LRRIQ3: variants seen among roughly 807,000 people sequenced by gnomAD.
LRRIQ3 encodes the protein leucine-rich repeat and IQ domain-containing protein 3.
LRRIQ3 carries 75 observed loss-of-function variants against 59.3 expected under a neutral mutation model. The observed-to-expected ratio is 1.26, with a 90% CI of 1.05 to 1.53. LRRIQ3 has a LOEUF of 1.53. LRRIQ3 is among the 40% of genes most tolerant of loss of function. The pLI, the probability that LRRIQ3 is intolerant of heterozygous loss-of-function variation, is 0.00. For missense variants in LRRIQ3, 831 were observed against 710.0 expected (o/e 1.17, Z -1.94); for synonymous variants, 250 against 231.3 (o/e 1.08, Z -0.73).
At position 74,041,898 on chromosome 1, in the gene LRRIQ3, A is replaced by G. The variant is rs1360705802; in HGVS notation, c.1033T>C (p.Leu345=). The change falls in exon 7 of 8, where the codon TTG becomes CTG. Residue 345 remains leucine (L), a synonymous_variant. Transcript: ENST00000354431. ...ESEDEIVDEK[L]DTSFRISVFK... is the part of the protein sequence containing the mutation. Reference sequence around the variant, plus strand: ...ACTGATATCCTAAAACTGGTATCCAATTTTTCATCCACAATTTCATCTTCA... The same window carrying G: ...ACTGATATCCTAAAACTGGTATCCAGTTTTTCATCCACAATTTCATCTTCA... 1.9e-6 allele frequency: 3 copies of G among 1,606,310 alleles called. No homozygotes were observed. The highest frequency in any genetic ancestry group is 2.6e-6 in the Non-Finnish European group (3 of 1,175,610).
intron 6 of LRRIQ3, among the ~76,000 whole-genome samples, chr1:74,053,630 C>G (rs1654438662): frequency 6.6e-6 from 1 of 151,938 alleles, no homozygotes; most frequent in Admixed American, 6.6e-5. Context: ...CAGGTTGCAA[C>G]AGGATATGAT....
At chr1:74,191,432 AAAT>A (rs1455031713) in intron 1 of LRRIQ3, among the ~76,000 whole-genome samples, 1 of 152,248 alleles carries the variant, frequency 6.6e-6, no homozygotes, top group East Asian at 1.9e-4. Context: ...AATTTGTCCA[AAAT>A]AATAATAGCA....
Position 74,182,518 on chromosome 1 carries a change from A to T in LRRIQ3, c.573+20T>A, listed in dbSNP as rs1303230911. ...CTTTTATACATTTAATTAAAATGAAACCCTAAAGAAGCCAATTACCTTTCT... is the reference window on the plus strand; with the variant it reads ...CTTTTATACATTTAATTAAAATGAATCCCTAAAGAAGCCAATTACCTTTCT... On this transcript the variant is annotated intron_variant, in intron 3 of 7. Transcript: ENST00000354431. 1 of 1,439,032 alleles carries T rather than the reference A, an allele frequency of 6.9e-7. No individual in the cohort carries two copies. The highest frequency in any genetic ancestry group is 9.2e-7 in the Non-Finnish European group (1 of 1,090,914). 89.1% of individuals were successfully genotyped at this position (1,439,032 alleles called of 1,614,324 possible). A position where few individuals can be genotyped will look rare whatever the true frequency, so the allele number is the denominator to read the frequency against.
intron 3 of LRRIQ3, among the ~76,000 whole-genome samples, chr1:74,165,792 G>A (rs1296305803): frequency 2.0e-5 from 3 of 151,546 alleles, no homozygotes; most frequent in Non-Finnish European, 4.4e-5. Context: ...ACAAATAGAT[G>A]TTGAAATTTG....
chr1:74,031,107 A>G (rs1022881997), intron 7 of LRRIQ3, among the ~76,000 whole-genome samples: 3 of 152,160 alleles, frequency 2.0e-5, no homozygotes, highest in African/African-American at 7.2e-5. Flanking sequence ...AAAAGTCAGG[A>G]AACAACAGGT....
intron 4 of LRRIQ3, among the ~76,000 whole-genome samples, chr1:74,109,757 G>A (rs950750057): frequency 6.6e-6 from 1 of 151,680 alleles, no homozygotes; most frequent in African/African-American, 2.4e-5. Context: ...AATGAATGCT[G>A]AGAAATTTCA....
intron 6 of LRRIQ3, among the ~76,000 whole-genome samples, chr1:74,070,875 A>G (rs1050654652): frequency 1.3e-5 from 2 of 151,600 alleles, no homozygotes; most frequent in Non-Finnish European, 2.9e-5. Context: ...GTCAACTGGA[A>G]CTCCAGAAAA....
intron 4 of LRRIQ3, among the ~76,000 whole-genome samples, chr1:74,121,480 A>G (rs1395301959): frequency 6.6e-6 from 1 of 152,130 alleles, no homozygotes; most frequent in Non-Finnish European, 1.5e-5. Flanking sequence ...TAAGCTAGTG[A>G]GAAGTTTTTC....
At chr1:74,163,622 T>C (rs923399708) in intron 3 of LRRIQ3, among the ~76,000 whole-genome samples, 1 of 151,554 alleles carries the variant, frequency 6.6e-6, no homozygotes, top group Admixed American at 6.6e-5. Flanking sequence ...TACTATACCA[T>C]GGTAGGGATG....
In LRRIQ3 at chr1:74,151,417, C is replaced by T. The variant is rs747271356; in HGVS notation, c.707+4316G>A. On this transcript the variant is annotated intron_variant, in intron 4 of 7. Coordinates refer to ENST00000354431, the MANE Select transcript of LRRIQ3 (RefSeq NM_001105659.2). The stretch of plus-strand genomic sequence containing the variant: ...GAAGGCAAATTTTTTTAAATATCTA[C>T]AACAGTACTATGTGACAAGGTATCC... Among the ~76,000 whole-genome samples, 8 of 152,124 alleles carry T rather than the reference C, an allele frequency of 5.3e-5. No homozygotes were observed. The Middle Eastern group carries it at 0.02, about 388-fold the overall frequency.
In LRRIQ3 at chr1:74,109,533, T is replaced by A. The variant is rs750036888; in HGVS notation, c.728A>T (p.Lys243Ile). 2 of 1,562,754 alleles carry A rather than the reference T, an allele frequency of 1.3e-6. No homozygotes were observed. Among genetic ancestry groups the A allele is most frequent in the South Asian group, 2.5e-5 (2 of 80,112 alleles). Reference sequence around the variant, plus strand: ...TCTAATAATTTTTTCCTGCTGTTTTTTTTTGTGGAAAAACACAGGGCTGAA... The same window carrying A: ...TCTAATAATTTTTTCCTGCTGTTTTATTTTGTGGAAAAACACAGGGCTGAA... ...KNLSPVFFHK[K>I]KQQEKIIRGY... is the part of the protein sequence containing the mutation. The change falls in exon 5 of 8, where the codon AAA becomes ATA. Residue 243 changes from lysine (K) to isoleucine (I), a missense_variant. Physicochemically the swap from Lys to Ile is moderately radical, Grantham distance 102 (BLOSUM62 -3). Transcript: ENST00000354431.
intron 3 of LRRIQ3, among the ~76,000 whole-genome samples, chr1:74,162,689 A>G (rs1648731808): frequency 6.6e-6 from 1 of 151,812 alleles, no homozygotes; most frequent in African/African-American, 2.4e-5. Context: ...TATTGTACTT[A>G]TATAATTTTT....
intron 3 of LRRIQ3, among the ~76,000 whole-genome samples, chr1:74,176,422 A>G (rs1175153101): frequency 1.3e-5 from 2 of 151,762 alleles, no homozygotes; most frequent in Non-Finnish European, 2.9e-5. Context: ...TTTAATTAAG[A>G]TATTTTTTGG....
chr1:74,093,097 A>T (rs1044862301), intron 5 of LRRIQ3, among the ~76,000 whole-genome samples: 1 of 151,946 alleles, frequency 6.6e-6, no homozygotes, highest in Non-Finnish European at 1.5e-5. Context: ...AATCAGAAGC[A>T]TACTAAGTTT....
At position 74,161,597 on chromosome 1, in the gene LRRIQ3, G is replaced by A. The variant is rs190296236; in HGVS notation, c.574-5731C>T. 2.5e-3 allele frequency among the ~76,000 whole-genome samples: 374 copies of A among 151,910 alleles called. 1 individual carries two copies. Among genetic ancestry groups the A allele is most frequent in the Admixed American group, 4.7e-3 (71 of 15,216 alleles). On this transcript the variant is annotated intron_variant, in intron 3 of 7. Transcript: ENST00000354431. Reference sequence around the variant, plus strand: ...TGTTGGAGAAGCAGAAAGAATACAGGAGGGAATTTAGATGATTAGAACCAA... The same window carrying A: ...TGTTGGAGAAGCAGAAAGAATACAGAAGGGAATTTAGATGATTAGAACCAA...
chr1:74,033,265 T>C (rs1248300338), intron 7 of LRRIQ3, among the ~76,000 whole-genome samples: 1 of 152,000 alleles, frequency 6.6e-6, no homozygotes, highest in Admixed American at 6.6e-5. Context: ...CCAAGGGTTG[T>C]AAGGAACATT....
intron 4 of LRRIQ3, among the ~76,000 whole-genome samples, chr1:74,128,728 A>G (rs1646970746): frequency 6.6e-6 from 1 of 151,950 alleles, no homozygotes; most frequent in Non-Finnish European, 1.5e-5. Flanking sequence ...GGTTGTTTGT[A>G]TGTGTGCTTC....
intron 4 of LRRIQ3, among the ~76,000 whole-genome samples, chr1:74,119,654 A>G (rs1009202138): frequency 1.3e-5 from 2 of 152,090 alleles, no homozygotes; most frequent in Admixed American, 6.6e-5. Context: ...AAAGATAAAC[A>G]ATTTTACCAC....
intron 6 of LRRIQ3, among the ~76,000 whole-genome samples, chr1:74,062,174 T>A (rs1000172039): frequency 1.3e-5 from 2 of 152,134 alleles, no homozygotes; most frequent in African/African-American, 4.8e-5. Context: ...AACAAAGGTC[T>A]AGTATCCAAA....
Sources: allele counts gnomAD v4.1 joint callset (sites outside exome capture counted in the v4.1 genomes callset), GRCh38; gene constraint gnomAD v4.1.1; transcripts MANE v1.5; gene names NCBI Gene and HGNC (gene_info 2026-07-23, HGNC 2026-07-21).